TMEM178B: variants seen among roughly 807,000 people sequenced by gnomAD.
TMEM178B encodes the protein transmembrane protein 178B.
Under a neutral mutation model 31.0 loss-of-function variants are expected in TMEM178B, and 5 were observed. That is an observed-to-expected ratio of 0.16 (90% CI 0.08 to 0.34). TMEM178B has a LOEUF of 0.34. Among genes scored for constraint, TMEM178B ranks in the 10% least tolerant of loss-of-function variants. The pLI, the probability that TMEM178B is intolerant of heterozygous loss-of-function variation, is 1.00. For synonymous variants in TMEM178B, 164 were observed against 164.0 expected, an observed-to-expected ratio of 1.00 and a Z score of 0.00; for missense variants, 275 against 400.3, an observed-to-expected ratio of 0.69 and a Z score of 2.67.
intron 1 of TMEM178B, among the ~76,000 whole-genome samples, chr7:141,190,472 G>A (rs1282466626): frequency 6.6e-6 from 1 of 151,620 alleles, no homozygotes; most frequent in Non-Finnish European, 1.5e-5. Flanking sequence ...TGCCACTGTG[G>A]CTAATTTTTT....
At chr7:141,092,245 G>T (rs1333999364) in intron 1 of TMEM178B, among the ~76,000 whole-genome samples, 3 of 152,172 alleles carry the variant, frequency 2.0e-5, no homozygotes, top group Admixed American at 1.3e-4. Flanking sequence ...ATTTTTAAGA[G>T]ACTTGGGTGG....
intron 1 of TMEM178B, among the ~76,000 whole-genome samples, chr7:141,175,753 G>T (rs1431836855): frequency 6.6e-6 from 1 of 151,316 alleles, no homozygotes; most frequent in Non-Finnish European, 1.5e-5. Context: ...TCATGATTTG[G>T]CTGTTTGTCT....
intron 2 of TMEM178B, among the ~76,000 whole-genome samples, chr7:141,397,606 C>G (rs1038212370): frequency 1.3e-5 from 2 of 152,180 alleles, no homozygotes; most frequent in Admixed American, 1.3e-4. Context: ...TGTAACTGAG[C>G]TGGGAGTTAG....
chr7:141,126,145 G>A (rs904724605), intron 1 of TMEM178B, among the ~76,000 whole-genome samples: 1 of 149,612 alleles, frequency 6.7e-6, no homozygotes, highest in Non-Finnish European at 1.5e-5. Context: ...AGGACGTCTT[G>A]GATTGGGGTG....
intron 2 of TMEM178B, among the ~76,000 whole-genome samples, chr7:141,242,197 G>A (rs1317525093): frequency 7.4e-6 from 1 of 134,622 alleles, no homozygotes; most frequent in African/African-American, 2.7e-5. Flanking sequence ...GAAGCAGAGT[G>A]AAAAGTAGTC....
chr7:141,241,590 C>CAAA lies in TMEM178B; in HGVS notation c.496+28907_496+28909dup, dbSNP rs766018973. 1.4e-3 allele frequency among the ~76,000 whole-genome samples: 109 copies of CAAA among 75,864 alleles called. 4 individuals carry two copies. Among genetic ancestry groups the CAAA allele is most frequent in the East Asian group, 0.011 (25 of 2,248 alleles). 49.8% of individuals were successfully genotyped at this position (75,864 alleles called of 152,430 possible). ...GGGGAACAAGAGCGGGACTTCGTCT[C>CAAA]AAAAAAAAAAAAAAAAAAAAAAAGA... On this transcript the variant is annotated intron_variant, in intron 2 of 3. Coordinates refer to ENST00000565468, the MANE Select transcript of TMEM178B (RefSeq NM_001195278.2).
At position 141,126,019 on chromosome 7, in the gene TMEM178B, C is replaced by A. The variant is rs111775749; in HGVS notation, c.382+51327C>A. 8.0e-3 allele frequency among the ~76,000 whole-genome samples: 1,224 copies of A among 152,290 alleles called. 7 individuals carry two copies. The highest frequency in any genetic ancestry group is 0.011 in the Non-Finnish European group (734 of 68,032). ...GCCTTTAATGCTGAGAGCTCCCTTC[C>A]CTAACAGGCTTTGTGCTAGTTAGCA... is the stretch of plus-strand genomic sequence containing the variant. On this transcript the variant is annotated intron_variant, in intron 1 of 3. Coordinates refer to ENST00000565468, the MANE Select transcript of TMEM178B (RefSeq NM_001195278.2).
intron 1 of TMEM178B, among the ~76,000 whole-genome samples, chr7:141,185,561 A>G (rs1796597296): frequency 6.6e-6 from 1 of 151,946 alleles, no homozygotes; most frequent in South Asian, 2.1e-4. Context: ...TTCCTCCACC[A>G]ATGTGTTTTC....
intron 1 of TMEM178B, among the ~76,000 whole-genome samples, chr7:141,129,847 G>C (rs1795565466): frequency 6.6e-6 from 1 of 152,150 alleles, no homozygotes; most frequent in South Asian, 2.1e-4. Flanking sequence ...TTCAAAGGGT[G>C]AGGGGCGGGG....
chr7:141,452,217 GT>G (rs1335003773), intron 3 of TMEM178B, among the ~76,000 whole-genome samples: 1 of 152,140 alleles, frequency 6.6e-6, no homozygotes, highest in Non-Finnish European at 1.5e-5. Flanking sequence ...CTGGCCTCAT[GT>G]TTTAAAAATG....
At chr7:141,380,261 G>A (rs1193002937) in intron 2 of TMEM178B, among the ~76,000 whole-genome samples, 5 of 152,150 alleles carry the variant, frequency 3.3e-5, no homozygotes, top group Admixed American at 6.5e-5. Flanking sequence ...AGTTATGTCA[G>A]CATTTGTTCA....
intron 2 of TMEM178B, among the ~76,000 whole-genome samples, chr7:141,435,183 C>T (rs1054842730): frequency 7.2e-5 from 11 of 152,344 alleles, no homozygotes; most frequent in South Asian, 4.1e-4. Flanking sequence ...ACTGGATACT[C>T]ATATGCAGAG....
chr7:141,404,365 G>C (rs995793515), intron 2 of TMEM178B, among the ~76,000 whole-genome samples: 1 of 152,162 alleles, frequency 6.6e-6, no homozygotes, highest in Non-Finnish European at 1.5e-5. Context: ...TATTCTCACA[G>C]TTTTAGAGGC....
At chr7:141,423,909 A>G (rs1302122696) in intron 2 of TMEM178B, among the ~76,000 whole-genome samples, 2 of 150,734 alleles carry the variant, frequency 1.3e-5, no homozygotes, top group African/African-American at 4.9e-5. Context: ...CCTGGGTTCA[A>G]GTGATTCTCC....
chr7:141,300,760 C>G (rs1314855230), intron 2 of TMEM178B, among the ~76,000 whole-genome samples: 1 of 152,166 alleles, frequency 6.6e-6, no homozygotes, highest in Non-Finnish European at 1.5e-5. Flanking sequence ...TCCCTTCCAG[C>G]TTTTCTCCCA....
At chr7:141,494,458 T>C in the TMEM178B span, among the ~76,000 whole-genome samples, 1 of 152,204 alleles carries the variant, frequency 6.6e-6, no homozygotes, top group Admixed American at 6.5e-5. Context: ...AGAGGAGTTA[T>C]CTAAAGTCAC....
the TMEM178B span, among the ~76,000 whole-genome samples, chr7:141,509,736 G>C: frequency 9.3e-3 from 1,420 of 152,302 alleles, 6 homozygotes; most frequent in Middle Eastern, 0.02. Context: ...TGGCAACCCA[G>C]CTCCCCTGTG....
rs993633998 is a variant in TMEM178B, at chr7:141,170,616, T to TC, written c.383-41968dup. ...TGGTGTAACTGATTGCCTCTCAAAT[T>TC]CCCCCCCATATCTGCTCCAAATGAC... is the stretch of plus-strand genomic sequence containing the variant. On this transcript the variant is annotated intron_variant, in intron 1 of 3. Transcript: ENST00000565468. 5.3e-5 allele frequency among the ~76,000 whole-genome samples: 8 copies of TC among 151,878 alleles called. No individual in the cohort carries two copies. In the East Asian group the frequency reaches 5.8e-4, roughly 11 times the overall value.
At chr7:141,342,341 A>G (rs921335060) in intron 2 of TMEM178B, among the ~76,000 whole-genome samples, 1 of 152,256 alleles carries the variant, frequency 6.6e-6, no homozygotes, top group Non-Finnish European at 1.5e-5. Flanking sequence ...TAAGTGAATC[A>G]CTAAAGTAGT....
Sources: allele counts gnomAD v4.1 joint callset (sites outside exome capture counted in the v4.1 genomes callset), GRCh38; gene constraint gnomAD v4.1.1; transcripts MANE v1.5; gene names NCBI Gene and HGNC (gene_info 2026-07-23, HGNC 2026-07-21).